COL21A1: variants seen among roughly 807,000 people sequenced by gnomAD.
The protein encoded by COL21A1 is collagen type XXI alpha 1 chain.
In COL21A1, 149 loss-of-function variants were observed where a neutral mutation model predicts 137.9. The observed-to-expected ratio is 1.08, with a 90% CI of 0.95 to 1.24. The LOEUF (loss-of-function observed/expected upper bound fraction) is 1.24, where lower values mean the gene tolerates loss of function less well. Ranked by LOEUF, COL21A1 falls within the 50% of genes most tolerant of loss-of-function variation. The pLI is 0.00. For synonymous variants in COL21A1, 456 were observed against 391.5 expected, an observed-to-expected ratio of 1.16 and a Z score of -1.95; for missense variants, 1,167 against 1,158.4, an observed-to-expected ratio of 1.01 and a Z score of -0.11.
chr6:56,371,141 T>C (rs1382174166), intron 1 of COL21A1, among the ~76,000 whole-genome samples: 1 of 152,218 alleles, frequency 6.6e-6, no homozygotes, highest in Non-Finnish European at 1.5e-5. Flanking sequence ...GTGTGATATA[T>C]TCCAGAGTCT....
At chr6:56,390,825 C>A (rs1446902184) in intron 1 of COL21A1, among the ~76,000 whole-genome samples, 4 of 152,044 alleles carry the variant, frequency 2.6e-5, no homozygotes, top group Non-Finnish European at 5.9e-5. Flanking sequence ...ATATGTAAAG[C>A]AAATATTAGA....
intron 1 of COL21A1, among the ~76,000 whole-genome samples, chr6:56,375,577 T>C (rs1385247706): frequency 1.3e-5 from 2 of 152,186 alleles, no homozygotes; most frequent in African/African-American, 4.8e-5. Flanking sequence ...TCTAGTCCAG[T>C]GCATGGTGCC....
At chr6:56,226,007 G>C (rs566508030) in intron 1 of COL21A1, 17 of 152,002 alleles carry the variant, frequency 1.1e-4, no homozygotes, top group Non-Finnish European at 2.4e-4. Flanking sequence ...TATTATGCCT[G>C]CATTTCATGA....
At chr6:56,247,899 G>T (rs1031737301), upstream of COL21A1, among the ~76,000 whole-genome samples, 8 of 152,200 alleles carry the variant, frequency 5.3e-5, no homozygotes, top group Non-Finnish European at 8.8e-5. Context: ...CCAGAGCATC[G>T]CCTGCACTGA....
chr6:56,344,609 G>A (rs916227672), intron 1 of COL21A1, among the ~76,000 whole-genome samples: 7 of 152,226 alleles, frequency 4.6e-5, no homozygotes, highest in East Asian at 1.9e-4. Context: ...ACATTCATTC[G>A]TTATTTCATT....
At chr6:56,282,395 T>C (rs1763805665) in intron 1 of COL21A1, among the ~76,000 whole-genome samples, 2 of 152,166 alleles carry the variant, frequency 1.3e-5, no homozygotes, top group African/African-American at 4.8e-5. Context: ...AAAATAATTT[T>C]ATAGCAAATA....
chr6:56,064,335 C>T (rs192791965), intron 24 of COL21A1, among the ~76,000 whole-genome samples: 33 of 152,000 alleles, frequency 2.2e-4, no homozygotes, highest in Middle Eastern at 3.4e-3. Context: ...TTTGCTTGGA[C>T]GCATTAAAAA....
chr6:56,282,480 G>T (rs1763807712), intron 1 of COL21A1, among the ~76,000 whole-genome samples: 1 of 152,152 alleles, frequency 6.6e-6, no homozygotes. Flanking sequence ...CTATTATTAT[G>T]AAATATGTTC....
chr6:56,129,720 G>GAGAGAGAGAC (rs1773367568), intron 12 of COL21A1, among the ~76,000 whole-genome samples: 1 of 148,380 alleles, frequency 6.7e-6, no homozygotes, highest in African/African-American at 2.5e-5. Flanking sequence ...GAGAGAGAGA[G>GAGAGAGAGAC]AGACAGACAG....
At position 56,322,884 on chromosome 6, in the gene COL21A1, C is replaced by CAAAAAAA. The variant is rs386407164; in HGVS notation, c.-39+71080_-39+71086dup. 5.4e-5 allele frequency among the ~76,000 whole-genome samples: 7 copies of CAAAAAAA among 129,794 alleles called. 2 individuals are homozygous for CAAAAAAA. The highest frequency in any genetic ancestry group is 9.2e-5 in the African/African-American group (3 of 32,454). The allele number at this position is 129,794 out of a possible 152,430, so 85.1% of individuals were successfully genotyped here. On this transcript the variant is annotated intron_variant, in intron 1 of 28. Transcript: ENST00000370819. ...ATGGATCAAAACCATCCTCTGCTAT[C>CAAAAAAA]AAAAAAAAAAAAAAAAAGTCAAGTC...
chr6:56,194,342 T>A (rs1396709851), intron 1 of COL21A1, among the ~76,000 whole-genome samples: 1 of 152,200 alleles, frequency 6.6e-6, no homozygotes, highest in African/African-American at 2.4e-5. Context: ...AAATATTTCA[T>A]TATACACATG....
intron 2 of COL21A1, 46 bp downstream of exon 2, chr6:56,182,485 G>C: frequency 7.8e-7 from 1 of 1,276,262 alleles, no homozygotes; most frequent in Non-Finnish European, 1.1e-6. Flanking sequence ...TTAATTTCCA[G>C]ATTAATTTGT....
chr6:56,141,799 G>T lies in COL21A1; in HGVS notation c.1528C>A (p.Arg510=), dbSNP rs749557286. The T allele has an allele frequency of 3.2e-5, 52 of 1,613,458 alleles. No individual in the cohort carries two copies. The highest frequency in any genetic ancestry group is 3.6e-5 in the Non-Finnish European group (43 of 1,179,652). ...TGTGTGTTTACCTTGTCACCATCTC[G>T]CCCTGGTTCTCCTTTGTAACCTGGT... ...GLPGYKGEPG[R]DGDKGDRGLP... Residue 510 remains arginine, a synonymous_variant, in exon 12 of 30, where the codon CGA becomes AGA. Transcript: ENST00000244728.
chr6:56,387,955 C>A (rs1298357735), intron 1 of COL21A1, among the ~76,000 whole-genome samples: 1 of 152,128 alleles, frequency 6.6e-6, no homozygotes, highest in Non-Finnish European at 1.5e-5. Context: ...CAAGGGAGTG[C>A]CTGCATCATC....
At chr6:56,361,366 T>C (rs545596799) in intron 1 of COL21A1, among the ~76,000 whole-genome samples, 5 of 152,192 alleles carry the variant, frequency 3.3e-5, no homozygotes, top group Non-Finnish European at 4.4e-5. Flanking sequence ...TGTTTGCAGG[T>C]TGCACAACTA....
intron 16 of COL21A1, among the ~76,000 whole-genome samples, chr6:56,112,272 ATATAAAT>A (rs1771499114): frequency 6.6e-6 from 1 of 152,220 alleles, no homozygotes; most frequent in African/African-American, 2.4e-5. Context: ...CATACCATAC[ATATAAAT>A]TAATTCAAAA....
intron 9 of COL21A1, among the ~76,000 whole-genome samples, chr6:56,159,294 T>C (rs1776016049): frequency 6.6e-6 from 1 of 152,094 alleles, no homozygotes; most frequent in South Asian, 2.1e-4. Context: ...TTAGTCTTCA[T>C]TTATCACTTG....
intron 1 of COL21A1, among the ~76,000 whole-genome samples, chr6:56,202,431 A>G (rs2152298908): frequency 6.6e-6 from 1 of 152,298 alleles, no homozygotes; most frequent in East Asian, 1.9e-4. Context: ...CCACTTTGCC[A>G]TTCTCTTTCA....
At chr6:56,184,013 C>T (rs1200489487) in intron 1 of COL21A1, among the ~76,000 whole-genome samples, 1 of 151,924 alleles carries the variant, frequency 6.6e-6, no homozygotes, top group African/African-American at 2.4e-5. Context: ...GGCATAAAAA[C>T]ATGATAAAAG....
Sources: allele counts gnomAD v4.1 joint callset (sites outside exome capture counted in the v4.1 genomes callset), GRCh38; gene constraint gnomAD v4.1.1; transcripts MANE v1.5; gene names NCBI Gene and HGNC (gene_info 2026-07-23, HGNC 2026-07-21).